Variants in TSPO2 observed in about 807,000 individuals in gnomAD.
The protein encoded by TSPO2 is translocator protein 2.
Under a neutral mutation model 13.3 loss-of-function variants are expected in TSPO2, and 15 were observed. The ratio of observed to expected loss-of-function variants is 1.13; its 90% confidence interval spans 0.75 to 1.73. The LOEUF (loss-of-function observed/expected upper bound fraction) is 1.73, where lower values mean the gene tolerates loss of function less well. Ranked by LOEUF, TSPO2 falls within the 40% of genes most tolerant of loss-of-function variation. The probability of loss-of-function intolerance (pLI) is 0.00; values close to 1 mark genes in which losing one functional copy is unlikely to be tolerated. For synonymous variants in TSPO2, 81 were observed against 91.6 expected, an observed-to-expected ratio of 0.88 and a Z score of 0.66; for missense variants, 202 against 198.3, an observed-to-expected ratio of 1.02 and a Z score of -0.11.
chr6:41,042,974 T>C lies in TSPO2; in HGVS notation c.-12T>C, dbSNP rs757517794. 6.2e-6 allele frequency: 10 copies of C among 1,613,250 alleles called. No individual in the cohort carries two copies. The highest frequency in any genetic ancestry group is 8.5e-6 in the Non-Finnish European group (10 of 1,179,576). On this transcript the variant is annotated 5_prime_UTR_variant, in exon 2 of 4. Coordinates refer to ENST00000373161, the MANE Select transcript of TSPO2 (RefSeq NM_001010873.3). ...GTTCTCTGCCTCCCCAGATTTTGCC[T>C]CTTCAAGGTGAATGCGGCTTCAAGG...
chr6:41,043,476 A>C (rs1762623109), intron 2 of TSPO2, 81 bp from the exon 3 acceptor site: 5 of 1,503,544 alleles, frequency 3.3e-6, no homozygotes, highest in Admixed American at 2.2e-5. Context: ...AGGGTATCCA[A>C]GAGTCCTTAT....
chr6:41,044,071 C>T lies in TSPO2; in HGVS notation c.447C>T (p.Thr149=). 4.3e-6 allele frequency: 7 copies of T among 1,614,226 alleles called. No individual in the cohort carries two copies. The highest frequency in any genetic ancestry group is 5.9e-6 in the Non-Finnish European group (7 of 1,180,028). Residue 149 remains threonine, a synonymous_variant, in exon 4 of 4, where the codon ACC becomes ACT. Transcript: ENST00000373161. The part of the protein sequence containing the change: ...LAWLTVTSAL[T]YHLWRDSLCP... ...GGCTCACCGTGACTTCAGCCCTCAC[C>T]TACCACCTGTGGAGGGACAGCCTTT...
chr6:41,041,897 C>T (rs1330928186), upstream of TSPO2, among the ~76,000 whole-genome samples: 2 of 151,782 alleles, frequency 1.3e-5, no homozygotes, highest in African/African-American at 4.8e-5. Flanking sequence ...ATCACTTGAA[C>T]TAGGGAGGCA....
In TSPO2 at chr6:41,042,953, T is replaced by G; in HGVS notation, c.-20-13T>G. 6.2e-7 allele frequency: 1 copy of G among 1,612,544 alleles called. No homozygotes were observed. The highest frequency in any genetic ancestry group is 8.5e-7 in the Non-Finnish European group (1 of 1,179,014). ...GGGAAGGCTCATCACTAGCATGTTC[T>G]CTGCCTCCCCAGATTTTGCCTCTTC... On this transcript the variant is annotated splice_polypyrimidine_tract_variant and intron_variant, in intron 1 of 3. Transcript: ENST00000373161.
At chr6:41,043,894 G>A (rs763734979) in intron 3 of TSPO2, 46 bp from the exon 4 acceptor site, 59 of 1,587,364 alleles carry the variant, frequency 3.7e-5, no homozygotes, top group Non-Finnish European at 4.9e-5. Flanking sequence ...AAAGGTGGAG[G>A]TGCTGGTTCT....
intron 2 of TSPO2, 79 bp downstream of exon 2, chr6:41,043,237 A>G: frequency 6.7e-7 from 1 of 1,496,894 alleles, no homozygotes; most frequent in Non-Finnish European, 9.0e-7. Context: ...TTACTCCCAT[A>G]TATTGGCCTC....
At chr6:41,042,405 G>A (rs1317572105), upstream of TSPO2, 4 of 233,896 alleles carry the variant, frequency 1.7e-5, no homozygotes, top group East Asian at 3.9e-4. Flanking sequence ...ATTTGGGCAG[G>A]AGATCAGCCT....
At chr6:41,041,747 G>A (rs924557145), upstream of TSPO2, among the ~76,000 whole-genome samples, 4 of 152,116 alleles carry the variant, frequency 2.6e-5, no homozygotes, top group East Asian at 1.9e-4. Flanking sequence ...AGGCCAAGGC[G>A]GGTGGATCAC....
chr6:41,041,818 A>C (rs1045582940), upstream of TSPO2, among the ~76,000 whole-genome samples: 2 of 152,190 alleles, frequency 1.3e-5, no homozygotes, highest in Non-Finnish European at 2.9e-5. Flanking sequence ...TCTACTAAAA[A>C]TACAAAATTA....
rs755749103 is a variant in TSPO2 at position 41,043,624 on chromosome 6, G to A, written c.241G>A (p.Gly81Ser). Reference sequence around the variant, plus strand: ...GGGGTGGCCCCTGGCCCTGCCTCTTGGCCTCTATGCTGTTCAGCTCACCAT... The same window carrying A: ...GGGGTGGCCCCTGGCCCTGCCTCTTAGCCTCTATGCTGTTCAGCTCACCAT... The part of the protein sequence containing the change: ...GLGWPLALPL[G>S]LYAVQLTISW... The change falls in exon 3 of 4, where the codon GGC becomes AGC. Residue 81 changes from glycine to serine, a missense_variant. Transcript: ENST00000373161. 1 of 1,613,468 alleles carries A rather than the reference G, an allele frequency of 6.2e-7. No individual in the cohort carries two copies. Among genetic ancestry groups the A allele is most frequent in the Admixed American group, 1.7e-5 (1 of 59,930 alleles).
At position 41,043,119 on chromosome 6, in the gene TSPO2, T is replaced by C. The variant is rs1247739138; in HGVS notation, c.134T>C (p.Val45Ala). 6.2e-7 allele frequency: 1 copy of C among 1,613,822 alleles called. No individual in the cohort carries two copies. The highest frequency in any genetic ancestry group is 8.5e-7 in the Non-Finnish European group (1 of 1,179,952). ...CTGTCCTGGTGCCCATTCTACAAAG[T>C]CTTATTGCTTGTACAGACAGCCATC... The part of the protein sequence containing the change: ...RMLSWCPFYK[V>A]LLLVQTAIYS... Residue 45 changes from valine (V) to alanine (A), a missense_variant, in exon 2 of 4, where the codon GTC becomes GCC. Transcript: ENST00000373161.
Position 41,042,637 on chromosome 6 carries a change from G to A in TSPO2, c.-162G>A, listed in dbSNP as rs114970851. 2,306 of 495,468 alleles carry A rather than the reference G, an allele frequency of 4.7e-3. 38 individuals are homozygous for A. Among genetic ancestry groups the A allele is most frequent in the African/African-American group, 0.038 (1,988 of 51,926 alleles). 30.7% of individuals were successfully genotyped at this position (495,468 alleles called of 1,614,324 possible). ...CCCACTGCAGAAAAGCTCATCACCC[G>A]GGACCTGATCTCCAGGACTCAGAAG... On this transcript the variant is annotated 5_prime_UTR_variant, in exon 1 of 4. Transcript: ENST00000373161.
At chr6:41,043,456 T>A (rs1406372064) in intron 2 of TSPO2, 101 bp from the exon 3 acceptor site, 53 of 1,447,134 alleles carry the variant, frequency 3.7e-5, no homozygotes, top group Non-Finnish European at 4.7e-5. Flanking sequence ...TGCCCCCATT[T>A]CAGCCCACAA....
At position 41,042,696 on chromosome 6, in the gene TSPO2, T is replaced by C; in HGVS notation, c.-103T>C. 3.4e-6 allele frequency: 2 copies of C among 596,922 alleles called. No homozygotes were observed. The highest frequency in any genetic ancestry group is 6.3e-6 in the Non-Finnish European group (2 of 318,232). 37.0% of individuals were successfully genotyped at this position (596,922 alleles called of 1,614,324 possible). ...GGAAGGCCTATTCACTTAGAAGCAGTTACCAGTGCTGGGCAGTGTCCTCCA... is the reference window on the plus strand; with the variant it reads ...GGAAGGCCTATTCACTTAGAAGCAGCTACCAGTGCTGGGCAGTGTCCTCCA... On this transcript the variant is annotated 5_prime_UTR_variant, in exon 1 of 4. Transcript: ENST00000373161.
chr6:41,042,594 A>G lies in TSPO2; in HGVS notation c.-205A>G. ...ACAGTTCTCGGTGAGGGCCAGCTAC[A>G]TACCTGGCTAAGCGCTGCCCACTGC... On this transcript the variant is annotated 5_prime_UTR_variant, in exon 1 of 4. Coordinates refer to ENST00000373161, the MANE Select transcript of TSPO2 (RefSeq NM_001010873.3). The G allele has an allele frequency of 2.4e-6, 1 of 420,142 alleles. No homozygotes were observed. The highest frequency in any genetic ancestry group is 4.7e-6 in the Non-Finnish European group (1 of 211,508). The allele number at this position is 420,142 out of a possible 1,614,324, so 26.0% of individuals were successfully genotyped here. A position where few individuals can be genotyped will look rare whatever the true frequency, so the allele number is the denominator to read the frequency against.
chr6:41,042,624 A>G lies in TSPO2; in HGVS notation c.-175A>G. The G allele has an allele frequency of 2.1e-6, 1 of 474,538 alleles. No individual in the cohort carries two copies. Among genetic ancestry groups the G allele is most frequent in the Non-Finnish European group, 4.2e-6 (1 of 240,246 alleles). 29.4% of individuals were successfully genotyped at this position (474,538 alleles called of 1,614,324 possible). Reference sequence around the variant, plus strand: ...TGGCTAAGCGCTGCCCACTGCAGAAAAGCTCATCACCCGGGACCTGATCTC... The same window carrying G: ...TGGCTAAGCGCTGCCCACTGCAGAAGAGCTCATCACCCGGGACCTGATCTC... On this transcript the variant is annotated 5_prime_UTR_variant, in exon 1 of 4. Coordinates refer to ENST00000373161, the MANE Select transcript of TSPO2 (RefSeq NM_001010873.3).
chr6:41,044,205 A>C lies in TSPO2; in HGVS notation c.*68A>C. The C allele has an allele frequency of 1.3e-6, 2 of 1,562,778 alleles. No homozygotes were observed. The highest frequency in any genetic ancestry group is 1.8e-6 in the Non-Finnish European group (2 of 1,139,878). On this transcript the variant is annotated 3_prime_UTR_variant, in exon 4 of 4. Coordinates refer to ENST00000373161, the MANE Select transcript of TSPO2 (RefSeq NM_001010873.3). The stretch of plus-strand genomic sequence containing the variant: ...GAAGAGTCTGCAAGCAGGGCTGTGG[A>C]GTTAGGGTTCACCCCAATGGGACCA...
At chr6:41,043,740 G>A in intron 3 of TSPO2, 42 bp downstream of exon 3, 1 of 1,569,696 alleles carries the variant, frequency 6.4e-7, no homozygotes, top group Non-Finnish European at 8.7e-7. Flanking sequence ...ATGTGGGAGA[G>A]GGTGAAACCA....
intron 1 of TSPO2, 59 bp from the exon 2 acceptor site, chr6:41,042,905 CAG>C: frequency 6.5e-7 from 1 of 1,545,044 alleles, no homozygotes; most frequent in African/African-American, 1.4e-5. Context: ...GGTTAGGAGG[CAG>C]AGACAGACGA....
Sources: gnomAD v4.1 joint callset for allele counts (sites outside exome capture counted in the v4.1 genomes callset) on GRCh38, gnomAD v4.1.1 for gene constraint, MANE v1.5 for transcripts, NCBI Gene and HGNC (gene_info 2026-07-23, HGNC 2026-07-21) for gene names.